Variants in EXOC7 observed in about 807,000 individuals in gnomAD.
EXOC7 encodes exocyst complex component 7, also known as exocyst complex component Exo70.
A neutral mutation model predicts 87.6 loss-of-function variants in EXOC7; 51 were observed. The ratio of observed to expected loss-of-function variants is 0.58; its 90% confidence interval spans 0.46 to 0.73. EXOC7 has a LOEUF of 0.73. Ranked by LOEUF, EXOC7 falls within the 30% of genes least tolerant of loss-of-function variation. The pLI is 0.00. For synonymous variants in EXOC7, 327 were observed against 357.1 expected (o/e 0.92, Z 0.95); for missense variants, 744 against 888.4 (o/e 0.84, Z 2.07).
In EXOC7 at chr17:76,098,121, C is replaced by T. The variant is rs569298613; in HGVS notation, c.418-103G>A. The stretch of plus-strand genomic sequence containing the variant: ...GCTCTGTCTTCTTAACTCAGGGCCT[C>T]TGCCCTTTTCTGCCCTGATATCTTT... On this transcript the variant is annotated intron_variant, in intron 4 of 18. Transcript: ENST00000589210. 2.6e-4 allele frequency: 227 copies of T among 865,664 alleles called. 1 individual carries two copies. In the Middle Eastern group the frequency reaches 3.5e-3, roughly 13 times the overall value. 53.6% of individuals were successfully genotyped at this position (865,664 alleles called of 1,614,324 possible).
rs2067272192 is a variant in EXOC7, at chr17:76,087,666, G to A, written c.1417C>T (p.Leu473=). 1.3e-6 allele frequency: 2 copies of A among 1,551,254 alleles called. No individual in the cohort carries two copies. Among genetic ancestry groups the A allele is most frequent in the Admixed American group, 2.0e-5 (1 of 51,006 alleles). Residue 473 remains leucine, a synonymous_variant, in exon 12 of 19, where the codon CTG becomes TTG. Transcript: ENST00000589210. ...GAGGTACCAGTACCTTGGGAGGCCA[G>A]CATGGCGCCTGCCGTCTCCTGGAAG... ...LDFQETAGAM[L]ASQETSSSAT... is the part of the protein sequence containing the mutation.
In EXOC7 at chr17:76,082,440, T is replaced by C. The variant is rs755964296; in HGVS notation, c.*1208A>G. 5 of 1,579,206 alleles carry C rather than the reference T, an allele frequency of 3.2e-6. No individual in the cohort carries two copies. The highest frequency in any genetic ancestry group is 1.7e-6 in the Non-Finnish European group (2 of 1,161,656). ...TGAGGGGACCTTGAAGAACAGCTCC[T>C]TTCCCTGTATCTCTCCCCACAGAGC... is the stretch of plus-strand genomic sequence containing the variant. On this transcript the variant is annotated 3_prime_UTR_variant, in exon 19 of 19. Coordinates refer to ENST00000589210, the MANE Select transcript of EXOC7 (RefSeq NM_001013839.4).
intron 5 of EXOC7, among the ~76,000 whole-genome samples, chr17:76,097,385 C>T (rs1253740010): frequency 1.3e-5 from 2 of 151,868 alleles, no homozygotes; most frequent in Non-Finnish European, 2.9e-5. Flanking sequence ...ATCCTTTTAT[C>T]AAAAAAACCA....
Position 76,083,697 on chromosome 17 carries a change from AC to A in EXOC7, c.2005del (p.Val669TrpfsTer7). The A allele has an allele frequency of 1.9e-6, 3 of 1,613,466 alleles. No homozygotes were observed. The highest frequency in any genetic ancestry group is 2.5e-6 in the Non-Finnish European group (3 of 1,179,966). On this transcript the variant is annotated frameshift_variant, in exon 19 of 19. Transcript: ENST00000589210. LOFTEE classifies it high-confidence loss of function. ...KNPEKYIKYGVEQVGDMIDRL... is the reference protein window; with the variant it reads ...KNPEKYIKYGXEQVGDMIDRL... ...ATCGATCATGTCGCCCACCTGCTCC[AC>A]CCCGTACTTGATGTACTTCTCCGGG...
intron 4 of EXOC7, among the ~76,000 whole-genome samples, chr17:76,099,568 T>A (rs2144694570): frequency 6.6e-6 from 1 of 152,254 alleles, no homozygotes; most frequent in South Asian, 2.1e-4. Flanking sequence ...CAAAAAGGAA[T>A]ATCATATGGC....
At position 76,081,784 on chromosome 17, in the gene EXOC7, CCT is replaced by C. The variant is rs1171724313; in HGVS notation, c.*1862_*1863del. 4 of 1,613,560 alleles carry C rather than the reference CCT, an allele frequency of 2.5e-6. No homozygotes were observed. Among genetic ancestry groups the C allele is most frequent in the South Asian group, 1.1e-5 (1 of 91,078 alleles). ...AGCCCTGCTCCCTTACCCAGTCTGC[CCT>C]GTTTCTCCCCGGTCACCCACTGGTG... On this transcript the variant is annotated 3_prime_UTR_variant, in exon 19 of 19. Coordinates refer to ENST00000589210, the MANE Select transcript of EXOC7 (RefSeq NM_001013839.4).
At chr17:76,100,951 G>A (rs2068029411) in intron 4 of EXOC7, 2 of 204,354 alleles carry the variant, frequency 9.8e-6, no homozygotes, top group South Asian at 3.5e-4. Context: ...TCCAGCTTGG[G>A]TGACAGAGCA....
intron 4 of EXOC7, among the ~76,000 whole-genome samples, chr17:76,099,677 A>G (rs1598346024): frequency 1.3e-5 from 2 of 152,262 alleles, no homozygotes; most frequent in East Asian, 1.9e-4. Flanking sequence ...GCCATGTATT[A>G]TAAGATACCA....
At chr17:76,084,227 G>A (rs1228762568) in intron 17 of EXOC7, 21 bp downstream of exon 17, 3 of 1,609,592 alleles carry the variant, frequency 1.9e-6, no homozygotes, top group South Asian at 1.1e-5. Context: ...AAGCAGTGGA[G>A]GGGAGAGGAC....
In EXOC7 at chr17:76,094,332, T is replaced by G. The variant is rs770867568; in HGVS notation, c.808+82A>C. 5 of 1,461,206 alleles carry G rather than the reference T, an allele frequency of 3.4e-6. No individual in the cohort carries two copies. In the Admixed American group the frequency reaches 1.1e-4, roughly 33 times the overall value. 90.5% of individuals were successfully genotyped at this position (1,461,206 alleles called of 1,614,324 possible). A position where few individuals can be genotyped will look rare whatever the true frequency, so the allele number is the denominator to read the frequency against. On this transcript the variant is annotated intron_variant, in intron 6 of 18. Transcript: ENST00000589210. ...GACAAGCTCTGGAGGGGCCTGACGC[T>G]GCGAACGCTAGATTGGACTAAAGCA...
chr17:76,090,290 G>A, intron 7 of EXOC7: 1 of 1,544,540 alleles, frequency 6.5e-7, no homozygotes, highest in Non-Finnish European at 8.7e-7. Flanking sequence ...TGCGAAGGCA[G>A]TGTCAGCGGC....
chr17:76,103,679 T>C lies in EXOC7; in HGVS notation c.14A>G (p.Gln5Arg), dbSNP rs1163915453. The C allele has an allele frequency of 6.2e-7, 1 of 1,612,452 alleles. No homozygotes were observed. The highest frequency in any genetic ancestry group is 1.7e-5 in the Admixed American group (1 of 59,840). The change falls in exon 1 of 19, where the codon CAG becomes CGG. Residue 5 changes from glutamine (Q) to arginine (R), a missense_variant. Gln to Arg is a conservative substitution (Grantham distance 43). Transcript: ENST00000589210. Reference sequence around the variant, plus strand: ...CTCCCGCCGTCGAGCGGATGCCTCCTGTGGGGGAATCATCGCTCTGAACCC... The same window carrying C: ...CTCCCGCCGTCGAGCGGATGCCTCCCGTGGGGGAATCATCGCTCTGAACCC... MIPP[Q>R]EASARRREIE...
chr17:76,096,030 C>G (rs955695048), intron 5 of EXOC7, among the ~76,000 whole-genome samples: 7 of 152,158 alleles, frequency 4.6e-5, no homozygotes, highest in Non-Finnish European at 7.4e-5. Flanking sequence ...ACTGCGCCTC[C>G]CTCTTGATCC....
intron 13 of EXOC7, 124 bp from the exon 14 acceptor site, chr17:76,085,921 C>A: frequency 6.6e-7 from 1 of 1,520,716 alleles, no homozygotes; most frequent in Non-Finnish European, 8.9e-7. Context: ...CTTAGCCCAA[C>A]TCCCCTCAGC....
chr17:76,084,315 G>C (rs1419332093), intron 16 of EXOC7, 26 bp from the exon 17 acceptor site: 2 of 1,613,372 alleles, frequency 1.2e-6, no homozygotes, highest in Admixed American at 1.7e-5. Context: ...AGATAGCAGA[G>C]AAAGCTCACT....
At chr17:76,087,400 C>A in intron 12 of EXOC7, 1 of 555,874 alleles carries the variant, frequency 1.8e-6, no homozygotes, top group Non-Finnish European at 3.2e-6. Context: ...GCACCGCTCC[C>A]AGAGTGAGGA....
chr17:76,098,132 T>G, intron 4 of EXOC7, 114 bp from the exon 5 acceptor site: 2 of 814,842 alleles, frequency 2.5e-6, no homozygotes, highest in Non-Finnish European at 3.9e-6. Flanking sequence ...TGCCCTTTTC[T>G]GCCCTGATAT....
At chr17:76,084,847 A>C (rs961460058) in intron 15 of EXOC7, 20 of 527,212 alleles carry the variant, frequency 3.8e-5, no homozygotes, top group Non-Finnish European at 6.5e-5. Flanking sequence ...GTGGCAAACT[A>C]AGATGGAGAA....
Position 76,082,476 on chromosome 17 carries a change from A to T in EXOC7, c.*1172T>A, listed in dbSNP as rs144821937. 3.9e-5 allele frequency: 63 copies of T among 1,612,146 alleles called. No individual in the cohort carries two copies. The highest frequency in any genetic ancestry group is 5.1e-5 in the Non-Finnish European group (60 of 1,179,118). On this transcript the variant is annotated 3_prime_UTR_variant, in exon 19 of 19. Coordinates refer to ENST00000589210, the MANE Select transcript of EXOC7 (RefSeq NM_001013839.4). The stretch of plus-strand genomic sequence containing the variant: ...CTCTCCCCACAGAGCCCTCCAGAGG[A>T]GTAAAGGGGTCACAGAGAAGCTGGC...
Sources: gnomAD v4.1 joint callset for allele counts (sites outside exome capture counted in the v4.1 genomes callset) on GRCh38, gnomAD v4.1.1 for gene constraint, MANE v1.5 for transcripts, NCBI Gene and HGNC (gene_info 2026-07-23, HGNC 2026-07-21) for gene names.